LDLRAD4: variants seen among roughly 807,000 people sequenced by gnomAD.
LDLRAD4 encodes the protein low density lipoprotein receptor class A domain containing 4.
In LDLRAD4, 5 loss-of-function variants were observed where a neutral mutation model predicts 17.0. That is an observed-to-expected ratio of 0.29 (90% confidence interval 0.15 to 0.62). The LOEUF (loss-of-function observed/expected upper bound fraction) is 0.62. Ranked by LOEUF, LDLRAD4 falls within the 20% of genes least tolerant of loss-of-function variation. LDLRAD4 has a pLI of 0.84. For synonymous variants in LDLRAD4, 168 were observed against 171.8 expected (o/e 0.98, Z 0.17); for missense variants, 340 against 424.7 (o/e 0.80, Z 1.75).
At chr18:13,242,210 G>A (rs1263892995) in intron 1 of LDLRAD4, 10 of 152,236 alleles carry the variant, frequency 6.6e-5, no homozygotes, top group Non-Finnish European at 1.3e-4. Flanking sequence ...TTGTTTTCAC[G>A]TCTGCAGGAA....
At chr18:13,285,126 T>A (rs2045545892) in intron 1 of LDLRAD4, among the ~76,000 whole-genome samples, 1 of 152,182 alleles carries the variant, frequency 6.6e-6, no homozygotes, top group South Asian at 2.1e-4. Flanking sequence ...CCCTCTCAAG[T>A]GCAGTACAGA....
At chr18:13,328,679 A>AAT (rs1361449484) in intron 1 of LDLRAD4, among the ~76,000 whole-genome samples, 2 of 152,248 alleles carry the variant, frequency 1.3e-5, no homozygotes, top group Non-Finnish European at 2.9e-5. Context: ...ATAATTTTAG[A>AAT]ATATATTAAT....
intron 2 of LDLRAD4, 95 bp from the exon 4 acceptor site, chr18:13,438,149 C>A: frequency 9.1e-7 from 1 of 1,095,916 alleles, no homozygotes; most frequent in South Asian, 1.4e-5. Context: ...ACAATCATGG[C>A]ATGCAAATGG....
intron 1 of LDLRAD4, among the ~76,000 whole-genome samples, chr18:13,308,672 G>T (rs1275165837): frequency 6.6e-6 from 1 of 152,244 alleles, no homozygotes; most frequent in African/African-American, 2.4e-5. Flanking sequence ...GGCTGCGCGT[G>T]TTTCACATCA....
chr18:13,236,902 A>G (rs1317955151), intron 1 of LDLRAD4, among the ~76,000 whole-genome samples: 2 of 152,208 alleles, frequency 1.3e-5, no homozygotes, highest in African/African-American at 4.8e-5. Context: ...GCTTGGAACC[A>G]GCGTGGTTCC....
chr18:13,258,407 T>C (rs1001186499), intron 1 of LDLRAD4, among the ~76,000 whole-genome samples: 4 of 152,200 alleles, frequency 2.6e-5, no homozygotes, highest in Non-Finnish European at 4.4e-5. Flanking sequence ...AATCTGCTAA[T>C]GAATGGCCAC....
intron 3 of LDLRAD4, among the ~76,000 whole-genome samples, chr18:13,549,926 T>C (rs1372588185): frequency 6.6e-6 from 1 of 152,170 alleles, no homozygotes; most frequent in African/African-American, 2.4e-5. Flanking sequence ...GCAAGAGTCT[T>C]CATTTCTCTG....
At position 13,221,078 on chromosome 18, in the gene LDLRAD4, C is replaced by T. The variant is rs559428162; in HGVS notation, c.-467+2090C>T. ...TCTTTCTTTGGAATCTGGGCTTATC[C>T]AGTCTCTATGATGTGTCCTTCTTCC... On this transcript the variant is annotated intron_variant, in intron 1 of 5. Coordinates refer to the LDLRAD4 transcript ENST00000399848. Among the ~76,000 whole-genome samples, 4 of 152,308 alleles carry T rather than the reference C, an allele frequency of 2.6e-5. No individual in the cohort carries two copies. In the South Asian group the frequency reaches 6.2e-4, roughly 24 times the overall value.
At chr18:13,362,469 A>C (rs999970242) in intron 1 of LDLRAD4, 1 of 152,270 alleles carries the variant, frequency 6.6e-6, no homozygotes, top group African/African-American at 2.4e-5. Flanking sequence ...TTTAGGAGTC[A>C]GAGCCCACTA....
intron 3 of LDLRAD4, among the ~76,000 whole-genome samples, chr18:13,444,592 G>A (rs2091259882): frequency 6.6e-6 from 1 of 152,148 alleles, no homozygotes; most frequent in Non-Finnish European, 1.5e-5. Context: ...ATTGTTCAAA[G>A]GTCAGCTGCA....
rs1259178829 is a variant in LDLRAD4, at chr18:13,441,881, C to T, written c.181+3497C>T. Among the ~76,000 whole-genome samples the T allele has an allele frequency of 4.6e-5, 7 of 152,284 alleles. No homozygotes were observed. In the East Asian group the frequency reaches 1.3e-3, roughly 29 times the overall value. Reference sequence around the variant, plus strand: ...TCAGGTTATGGTTGGACCGAGGCTGCTTTATTCTGCTGAGAGACCAAAGGG... The same window carrying T: ...TCAGGTTATGGTTGGACCGAGGCTGTTTTATTCTGCTGAGAGACCAAAGGG... On this transcript the variant is annotated intron_variant, in intron 3 of 5. Coordinates refer to ENST00000359446, the Ensembl canonical transcript of LDLRAD4.
chr18:13,389,228 A>G (rs8096336), intron 2 of LDLRAD4, among the ~76,000 whole-genome samples: 108,105 of 151,934 alleles, frequency 0.71, 38,614 homozygotes, highest in Admixed American at 0.76. Context: ...TCTCAGGAGC[A>G]GCTCCCTCGT....
In LDLRAD4 at chr18:13,347,431, C is replaced by T. The variant is rs551388137; in HGVS notation, c.-382-39910C>T. Reference sequence around the variant, plus strand: ...CTCTTCTGGCTTGTAGAGTTTCTGCCGAGAGATCAGCTGTTAGTCTGATGG... The same window carrying T: ...CTCTTCTGGCTTGTAGAGTTTCTGCTGAGAGATCAGCTGTTAGTCTGATGG... On this transcript the variant is annotated intron_variant, in intron 1 of 5. Coordinates refer to ENST00000359446, the Ensembl canonical transcript of LDLRAD4. 5.3e-4 allele frequency among the ~76,000 whole-genome samples: 81 copies of T among 152,248 alleles called. 2 individuals are homozygous for T. In the East Asian group the frequency reaches 0.012, roughly 23 times the overall value.
At chr18:13,227,396 GGT>G (rs1191675181) in intron 1 of LDLRAD4, among the ~76,000 whole-genome samples, 1 of 152,164 alleles carries the variant, frequency 6.6e-6, no homozygotes, top group African/African-American at 2.4e-5. Flanking sequence ...GGTCATGATC[GGT>G]GTGGTTTTGT....
chr18:13,462,448 C>T (rs1227035158), intron 3 of LDLRAD4, among the ~76,000 whole-genome samples: 1 of 152,098 alleles, frequency 6.6e-6, no homozygotes, highest in Non-Finnish European at 1.5e-5. Context: ...ACCACACAGC[C>T]AGGTAGGGGG....
Position 13,479,632 on chromosome 18 carries a change from A to C in LDLRAD4, c.181+41248A>C, listed in dbSNP as rs76039279. On this transcript the variant is annotated intron_variant, in intron 3 of 5. Coordinates refer to ENST00000359446, the Ensembl canonical transcript of LDLRAD4. ...TGAGACTCCATCTAAAAAAAGAAAGAAAAGAAAAGAAAAGAAAAGCCACAG... is the reference window on the plus strand; with the variant it reads ...TGAGACTCCATCTAAAAAAAGAAAGCAAAGAAAAGAAAAGAAAAGCCACAG... Among the ~76,000 whole-genome samples, 56 of 151,302 alleles carry C rather than the reference A, an allele frequency of 3.7e-4. No homozygotes were observed. In the East Asian group the frequency reaches 0.01, roughly 28 times the overall value.
intron 1 of LDLRAD4, among the ~76,000 whole-genome samples, chr18:13,270,459 A>G (rs2044469143): frequency 6.6e-6 from 1 of 152,238 alleles, no homozygotes; most frequent in Non-Finnish European, 1.5e-5. Context: ...AGGGCAAAGT[A>G]TGCTCGTTCC....
At chr18:13,572,958 T>G (rs557078145) in intron 3 of LDLRAD4, among the ~76,000 whole-genome samples, 3 of 152,338 alleles carry the variant, frequency 2.0e-5, no homozygotes, top group East Asian at 1.9e-4. Flanking sequence ...GCTTGATGGC[T>G]CTGCATGCCT....
At chr18:13,219,455 A>G (rs111829127) in intron 1 of LDLRAD4, among the ~76,000 whole-genome samples, 2,062 of 151,888 alleles carry the variant, frequency 0.014, 47 homozygotes, top group African/African-American at 0.048. Flanking sequence ...TTATTTTGGC[A>G]TCTTCTCATC....
Sources: gnomAD v4.1 joint callset for allele counts (sites outside exome capture counted in the v4.1 genomes callset) on GRCh38, gnomAD v4.1.1 for gene constraint, MANE v1.5 for transcripts, NCBI Gene and HGNC (gene_info 2026-07-23, HGNC 2026-07-21) for gene names.